The following YAF2 variants were observed in gnomAD, a reference collection of about 807,000 sequenced individuals.
YAF2 encodes YY1-associated factor 2.
YAF2 carries 7 observed loss-of-function variants against 20.1 expected under a neutral mutation model. The ratio of observed to expected loss-of-function variants is 0.35; its 90% CI spans 0.20 to 0.65. YAF2 has a LOEUF of 0.65. Among genes scored for constraint, YAF2 ranks in the 30% least tolerant of loss-of-function variants. The probability of loss-of-function intolerance (pLI) is 0.69; values close to 1 mark genes in which losing one functional copy is unlikely to be tolerated. For synonymous variants in YAF2, 74 were observed against 76.0 expected, an observed-to-expected ratio of 0.97 and a Z score of 0.14; for missense variants, 151 against 219.2, an observed-to-expected ratio of 0.69 and a Z score of 1.96.
At position 42,196,227 on chromosome 12, in the gene YAF2, GAAAAAAAAAA is replaced by G. The variant is rs34267272; in HGVS notation, c.153-34472_153-34463del. ...GGGCGACAGAGCAAGAATCCATCTG[GAAAAAAAAAA>G]AAAAAAAAAAAAAAGAGCGGGAGGA... is the stretch of plus-strand genomic sequence containing the variant. On this transcript the variant is annotated intron_variant, in intron 2 of 3. Transcript: ENST00000534854. 5.2e-4 allele frequency among the ~76,000 whole-genome samples: 39 copies of G among 74,510 alleles called. No individual in the cohort carries two copies. The South Asian group carries it at 0.017, about 32-fold the overall frequency. 48.9% of individuals were successfully genotyped at this position (74,510 alleles called of 152,430 possible).
intron 2 of YAF2, among the ~76,000 whole-genome samples, chr12:42,184,101 A>G (rs2066412348): frequency 6.6e-6 from 1 of 152,222 alleles, no homozygotes; most frequent in African/African-American, 2.4e-5. Flanking sequence ...AATTTAAAAT[A>G]TTTAGCTCAC....
intron 2 of YAF2, among the ~76,000 whole-genome samples, chr12:42,227,358 G>C (rs866857754): frequency 2.9e-5 from 2 of 69,560 alleles, no homozygotes; most frequent in Non-Finnish European, 2.4e-5. Context: ...AGTGAGGAGC[G>C]TCTCCGCCCG....
At chr12:42,200,578 G>A (rs1019736751) in intron 2 of YAF2, among the ~76,000 whole-genome samples, 2 of 152,074 alleles carry the variant, frequency 1.3e-5, no homozygotes, top group African/African-American at 4.8e-5. Flanking sequence ...TATTTTAAAA[G>A]CTATACAGCA....
At chr12:42,181,219 A>C (rs1381267583) in intron 2 of YAF2, among the ~76,000 whole-genome samples, 1 of 152,194 alleles carries the variant, frequency 6.6e-6, no homozygotes, top group Admixed American at 6.5e-5. Flanking sequence ...ATTCTAATAC[A>C]ACTGTGCTAG....
chr12:42,183,963 C>T (rs1282667028), intron 2 of YAF2, among the ~76,000 whole-genome samples: 1 of 152,154 alleles, frequency 6.6e-6, no homozygotes, highest in Non-Finnish European at 1.5e-5. Flanking sequence ...ATTCCTAGAC[C>T]CTTTGAAATT....
chr12:42,237,753 G>T, intron 1 of YAF2, 29 bp from the exon 2 acceptor site: 8 of 1,484,390 alleles, frequency 5.4e-6, no homozygotes, highest in Non-Finnish European at 7.2e-6. Flanking sequence ...ACACGACGCG[G>T]CGCGGGGTCA....
chr12:42,219,928 C>T (rs186828747), intron 2 of YAF2, among the ~76,000 whole-genome samples: 1 of 152,292 alleles, frequency 6.6e-6, no homozygotes, highest in Admixed American at 6.5e-5. Flanking sequence ...CACATCTCCA[C>T]ATGATCTATA....
At chr12:42,220,643 C>T (rs2067485549) in intron 2 of YAF2, among the ~76,000 whole-genome samples, 1 of 152,148 alleles carries the variant, frequency 6.6e-6, no homozygotes, top group Non-Finnish European at 1.5e-5. Context: ...GCAGCTACCT[C>T]CCTGGCATAA....
intron 2 of YAF2, among the ~76,000 whole-genome samples, chr12:42,212,148 CAAAA>C (rs147980606): frequency 0.015 from 2,285 of 151,786 alleles, 54 homozygotes; most frequent in African/African-American, 0.053. Flanking sequence ...AATACTTGTA[CAAAA>C]GAAATACAGC....
chr12:42,175,197 A>G (rs1411518449), intron 2 of YAF2, among the ~76,000 whole-genome samples: 2 of 152,238 alleles, frequency 1.3e-5, no homozygotes, highest in African/African-American at 4.8e-5. Flanking sequence ...TCAGCAACAC[A>G]AAGAAATGAA....
chr12:42,184,367 T>C (rs942032101), intron 2 of YAF2, among the ~76,000 whole-genome samples: 1 of 152,164 alleles, frequency 6.6e-6, no homozygotes, highest in Non-Finnish European at 1.5e-5. Flanking sequence ...TGGAGTGCAG[T>C]GGTGCCATCT....
chr12:42,224,086 C>A (rs2067608897), intron 2 of YAF2, among the ~76,000 whole-genome samples: 1 of 152,094 alleles, frequency 6.6e-6, no homozygotes. Context: ...TAACTGATTT[C>A]ATATAAGCAC....
rs1473820356 is a variant in YAF2 at position 42,159,791 on chromosome 12, C to T, written c.*798G>A. ...GCAAGTTTCTTTTCTCTTGTTTTTG[C>T]CAAATGCTTATAATTATTTGAATTT... On this transcript the variant is annotated 3_prime_UTR_variant, in exon 4 of 4. Transcript: ENST00000534854. 1.3e-5 allele frequency: 2 copies of T among 152,368 alleles called. No individual in the cohort carries two copies. The highest frequency in any genetic ancestry group is 1.3e-4 in the Admixed American group (2 of 15,256). The allele number at this position is 152,368 out of a possible 1,614,324, so 9.4% of individuals were successfully genotyped here.
At chr12:42,162,504 A>C (rs2065820605) in intron 2 of YAF2, among the ~76,000 whole-genome samples, 1 of 152,168 alleles carries the variant, frequency 6.6e-6, no homozygotes, top group Non-Finnish European at 1.5e-5. Flanking sequence ...TAAGGTTCAA[A>C]ATACAGTCTC....
chr12:42,190,673 T>C (rs1455508882), intron 2 of YAF2, among the ~76,000 whole-genome samples: 1 of 152,184 alleles, frequency 6.6e-6, no homozygotes, highest in Admixed American at 6.5e-5. Context: ...ATGTTATTCA[T>C]GTCTTTCATT....
intron 2 of YAF2, chr12:42,235,379 A>G: frequency 9.8e-7 from 1 of 1,016,416 alleles, no homozygotes. Context: ...ATTACCAGAG[A>G]GGAAAAATAT....
chr12:42,174,749 C>T (rs2066137903), intron 2 of YAF2, among the ~76,000 whole-genome samples: 1 of 152,158 alleles, frequency 6.6e-6, no homozygotes, highest in South Asian at 2.1e-4. Flanking sequence ...CCTGGCTCCA[C>T]ATTGGATTTC....
At chr12:42,210,301 G>GA (rs1440619269) in intron 2 of YAF2, 21 of 1,240,176 alleles carry the variant, frequency 1.7e-5, no homozygotes, top group Non-Finnish European at 1.9e-5. Flanking sequence ...CTTCTCAAGG[G>GA]ACAAAATTTG....
intron 2 of YAF2, among the ~76,000 whole-genome samples, chr12:42,229,533 A>G (rs2067913501): frequency 6.6e-6 from 1 of 152,226 alleles, no homozygotes; most frequent in South Asian, 2.1e-4. Flanking sequence ...ATAAGTGTCT[A>G]GACAATTATA....
Sources: gnomAD v4.1 joint callset for allele counts (sites outside exome capture counted in the v4.1 genomes callset) on GRCh38, gnomAD v4.1.1 for gene constraint, MANE v1.5 for transcripts, NCBI Gene and HGNC (gene_info 2026-07-23, HGNC 2026-07-21) for gene names.